The following FSTL4 variants were observed in gnomAD, a reference collection of about 807,000 sequenced individuals.
The protein encoded by FSTL4 is follistatin-related protein 4.
FSTL4 carries 28 observed loss-of-function variants against 78.2 expected under a neutral mutation model. The observed-to-expected ratio is 0.36, with a 90% CI of 0.27 to 0.49. The LOEUF (loss-of-function observed/expected upper bound fraction) is 0.49, where lower values mean the gene tolerates loss of function less well. FSTL4 is among the 20% of genes least tolerant of loss of function. FSTL4 has a pLI of 0.98. For missense variants in FSTL4, 922 were observed against 1,084.9 expected, an observed-to-expected ratio of 0.85 and a Z score of 2.11; for synonymous variants, 422 against 440.5, an observed-to-expected ratio of 0.96 and a Z score of 0.53.
the FSTL4 span, among the ~76,000 whole-genome samples, chr5:133,695,955 C>T: frequency 3.0e-4 from 45 of 152,348 alleles, 1 homozygote; most frequent in African/African-American, 9.6e-4. Flanking sequence ...CAGCCCACCT[C>T]CCTCATTCCT....
At chr5:133,795,607 A>G in the FSTL4 span, among the ~76,000 whole-genome samples, 1 of 130,674 alleles carries the variant, frequency 7.7e-6, no homozygotes, top group Non-Finnish European at 1.8e-5. Context: ...TTCAAGAAGG[A>G]AGCACAGAAT....
At chr5:133,508,871 T>C (rs748099397) in intron 3 of FSTL4, among the ~76,000 whole-genome samples, 14 of 152,220 alleles carry the variant, frequency 9.2e-5, no homozygotes, top group Non-Finnish European at 1.9e-4. Flanking sequence ...TTAGAGTCTG[T>C]CTTGTTGGGC....
At chr5:133,439,986 T>C (rs1757117900) in intron 3 of FSTL4, among the ~76,000 whole-genome samples, 2 of 152,302 alleles carry the variant, frequency 1.3e-5, no homozygotes, top group Non-Finnish European at 2.9e-5. Context: ...GCTGTAAGCA[T>C]AGAGGATCTG....
chr5:133,239,103 C>A (rs1483401924), intron 7 of FSTL4, among the ~76,000 whole-genome samples: 4 of 152,210 alleles, frequency 2.6e-5, no homozygotes, highest in Non-Finnish European at 4.4e-5. Flanking sequence ...CCGGCAAGCC[C>A]CGGGCAGTGA....
chr5:133,658,189 T>C, the FSTL4 span, among the ~76,000 whole-genome samples: 1 of 152,178 alleles, frequency 6.6e-6, no homozygotes, highest in Non-Finnish European at 1.5e-5. Flanking sequence ...ATACCATATT[T>C]AGGATTTTCA....
the FSTL4 span, among the ~76,000 whole-genome samples, chr5:133,817,227 C>A: frequency 6.6e-6 from 1 of 152,240 alleles, no homozygotes; most frequent in Non-Finnish European, 1.5e-5. Context: ...GATGCAAACA[C>A]AGAGGCTCAG....
chr5:133,819,685 C>T, the FSTL4 span, among the ~76,000 whole-genome samples: 1 of 152,206 alleles, frequency 6.6e-6, no homozygotes. Flanking sequence ...CCAGATGAGA[C>T]CTCCTGTTTC....
chr5:133,579,219 G>A (rs1412052467), intron 2 of FSTL4, among the ~76,000 whole-genome samples: 1 of 152,208 alleles, frequency 6.6e-6, no homozygotes, highest in Non-Finnish European at 1.5e-5. Context: ...CACAGCGCCT[G>A]GCGTAGCGTA....
intron 2 of FSTL4, among the ~76,000 whole-genome samples, chr5:133,599,682 G>A (rs1274472232): frequency 6.6e-6 from 1 of 152,152 alleles, no homozygotes; most frequent in African/African-American, 2.4e-5. Flanking sequence ...TTCAATCTCA[G>A]AGCCCAGCAA....
Position 133,224,221 on chromosome 5 carries a change from A to G in FSTL4, c.1313-5T>C. 1 of 1,611,150 alleles carries G rather than the reference A, an allele frequency of 6.2e-7. No individual in the cohort carries two copies. Among genetic ancestry groups the G allele is most frequent in the Non-Finnish European group, 8.5e-7 (1 of 1,177,396 alleles). On this transcript the variant is annotated splice_region_variant and splice_polypyrimidine_tract_variant and intron_variant, in intron 10 of 15. Coordinates refer to ENST00000265342, the MANE Select transcript of FSTL4 (RefSeq NM_015082.2). ...CTCGCCACAGGATGTTTGCAACTGC[A>G]GCAGCAGAGAATGAGGAAAGCAGGA...
At chr5:133,522,813 A>C (rs990097009) in intron 3 of FSTL4, among the ~76,000 whole-genome samples, 1 of 152,236 alleles carries the variant, frequency 6.6e-6, no homozygotes, top group Non-Finnish European at 1.5e-5. Flanking sequence ...CGAGATTTGA[A>C]ACGCTAAGTG....
the FSTL4 span, among the ~76,000 whole-genome samples, chr5:133,696,623 G>A: frequency 1.3e-5 from 2 of 152,216 alleles, no homozygotes; most frequent in Non-Finnish European, 2.9e-5. Context: ...CCTCACAAAA[G>A]TATCTGTTGA....
At chr5:133,665,215 G>GTAACACC in the FSTL4 span, among the ~76,000 whole-genome samples, 1 of 152,198 alleles carries the variant, frequency 6.6e-6, no homozygotes, top group Non-Finnish European at 1.5e-5. Context: ...CCATGCTGCA[G>GTAACACC]TAACACCTAA....
intron 4 of FSTL4, among the ~76,000 whole-genome samples, chr5:133,356,318 C>G (rs376830311): frequency 6.6e-6 from 1 of 152,202 alleles, no homozygotes; most frequent in African/African-American, 2.4e-5. Context: ...CAAATTTGGG[C>G]ATGCCCAGGT....
At chr5:133,738,381 G>A in the FSTL4 span, among the ~76,000 whole-genome samples, 1 of 152,218 alleles carries the variant, frequency 6.6e-6, no homozygotes, top group African/African-American at 2.4e-5. Flanking sequence ...GAAGAGTGTA[G>A]AGCAGGACGT....
At chr5:133,267,960 A>G (rs895573914) in intron 6 of FSTL4, among the ~76,000 whole-genome samples, 4 of 152,226 alleles carry the variant, frequency 2.6e-5, no homozygotes, top group African/African-American at 9.6e-5. Context: ...TGTGTCTGCC[A>G]CTGACTCTGG....
At chr5:133,819,047 G>A in the FSTL4 span, among the ~76,000 whole-genome samples, 1 of 138,218 alleles carries the variant, frequency 7.2e-6, no homozygotes, top group Non-Finnish European at 1.7e-5. Flanking sequence ...CCACCCACAT[G>A]CCCACCGCCC....
intron 5 of FSTL4, among the ~76,000 whole-genome samples, chr5:133,314,029 T>A (rs764990576): frequency 1.5e-4 from 23 of 152,204 alleles, no homozygotes; most frequent in Admixed American, 2.6e-4. Flanking sequence ...TCAGGCCACA[T>A]ATCTGCCAGG....
chr5:133,690,471 A>C, the FSTL4 span, among the ~76,000 whole-genome samples: 17 of 152,264 alleles, frequency 1.1e-4, no homozygotes, highest in African/African-American at 3.8e-4. Flanking sequence ...TAAGAGATCA[A>C]TAAATACCTA....
Sources: allele counts gnomAD v4.1 joint callset (sites outside exome capture counted in the v4.1 genomes callset), GRCh38; gene constraint gnomAD v4.1.1; transcripts MANE v1.5; gene names NCBI Gene and HGNC (gene_info 2026-07-23, HGNC 2026-07-21).